Variants in ARHGAP11B observed in about 807,000 individuals in gnomAD.
The protein encoded by ARHGAP11B is Rho GTPase activating protein 11B.
Under a neutral mutation model 27.6 loss-of-function variants are expected in ARHGAP11B, and 14 were observed. The ratio of observed to expected loss-of-function variants is 0.51; its 90% confidence interval spans 0.34 to 0.79. The LOEUF (loss-of-function observed/expected upper bound fraction) is 0.79, where lower values mean the gene tolerates loss of function less well. ARHGAP11B is among the 30% of genes least tolerant of loss of function. The probability of loss-of-function intolerance (pLI) is 0.02; values close to 1 mark genes in which losing one functional copy is unlikely to be tolerated. For missense variants in ARHGAP11B, 245 were observed against 320.1 expected, an observed-to-expected ratio of 0.77 and a Z score of 1.79; for synonymous variants, 82 against 114.1, an observed-to-expected ratio of 0.72 and a Z score of 1.80.
intron 7 of ARHGAP11B, among the ~76,000 whole-genome samples, chr15:30,643,196 A>G (rs2060325292): frequency 6.6e-6 from 1 of 151,636 alleles, no homozygotes; most frequent in Non-Finnish European, 1.5e-5. Flanking sequence ...ATGCCCCCTT[A>G]GTCTCATATA....
chr15:30,627,163 G>T (rs2060214820), intron 1 of ARHGAP11B, among the ~76,000 whole-genome samples: 1 of 151,766 alleles, frequency 6.6e-6, no homozygotes, highest in African/African-American at 2.4e-5. Flanking sequence ...AAAGTTGCAG[G>T]ATTTTCCAAC....
intron 1 of ARHGAP11B, among the ~76,000 whole-genome samples, chr15:30,627,520 G>A (rs1374213377): frequency 6.6e-6 from 1 of 151,978 alleles, no homozygotes; most frequent in East Asian, 1.9e-4. Flanking sequence ...TCACTAATTT[G>A]GGAAACAGAT....
chr15:30,630,006 TAACC>T (rs2060234416), intron 1 of ARHGAP11B, among the ~76,000 whole-genome samples: 1 of 152,074 alleles, frequency 6.6e-6, no homozygotes, highest in African/African-American at 2.4e-5. Flanking sequence ...ACATTCAAGT[TAACC>T]AACAAACAAC....
At chr15:30,630,996 C>CA in intron 2 of ARHGAP11B, among the ~76,000 whole-genome samples, 1 of 151,758 alleles carries the variant, frequency 6.6e-6, no homozygotes, top group Non-Finnish European at 1.5e-5. Context: ...TGCTTGAGCC[C>CA]AGGAGGTGGA....
In ARHGAP11B at chr15:30,631,988, G is replaced by A. The variant is rs1304851678; in HGVS notation, c.200+1215G>A. ...TTTAGTAGAGATGGGGTTTCACCATGTTGGCCAGGCTGGTCTCAAACTCCT... is the reference window on the plus strand; with the variant it reads ...TTTAGTAGAGATGGGGTTTCACCATATTGGCCAGGCTGGTCTCAAACTCCT... On this transcript the variant is annotated intron_variant, in intron 2 of 10. Coordinates refer to ENST00000428041, the Ensembl canonical transcript of ARHGAP11B. Among the ~76,000 whole-genome samples the A allele has an allele frequency of 2.0e-5, 3 of 147,762 alleles. No individual in the cohort carries two copies. The South Asian group carries it at 6.6e-4, about 32-fold the overall frequency.
intron 1 of ARHGAP11B, among the ~76,000 whole-genome samples, chr15:30,630,308 A>G (rs1469459597): frequency 6.6e-6 from 1 of 152,108 alleles, no homozygotes; most frequent in Non-Finnish European, 1.5e-5. Context: ...ACCAAAAGAA[A>G]GTATCTAGTA....
chr15:30,635,340 A>G lies in ARHGAP11B; in HGVS notation c.661-147A>G. On this transcript the variant is annotated intron_variant, in intron 5 of 10. Coordinates refer to ENST00000428041, the Ensembl canonical transcript of ARHGAP11B. ...TGAAGGCAACTGTTAGAAAGTTGGTATATTACTGACCTCACCCCCACCCTA... is the reference window on the plus strand; with the variant it reads ...TGAAGGCAACTGTTAGAAAGTTGGTGTATTACTGACCTCACCCCCACCCTA... The G allele has an allele frequency of 2.1e-6, 3 of 1,434,652 alleles. No individual in the cohort carries two copies. The South Asian group carries it at 4.0e-5, about 19-fold the overall frequency. 88.9% of individuals were successfully genotyped at this position (1,434,652 alleles called of 1,614,324 possible). A position where few individuals can be genotyped will look rare whatever the true frequency, so the allele number is the denominator to read the frequency against.
At chr15:30,626,710 G>T (rs2060209763) in exon 1 of ARHGAP11B, 1 of 1,472,636 alleles carries the variant, frequency 6.8e-7, no homozygotes, top group Non-Finnish European at 9.1e-7. Context: ...AGACGGGGCC[G>T]GAAAGCAGCC....
At chr15:30,647,762 G>A (rs1443384287) in intron 10 of ARHGAP11B, 2 of 196,386 alleles carry the variant, frequency 1.0e-5, no homozygotes, top group African/African-American at 2.4e-5. Flanking sequence ...ACTTTATTAA[G>A]TAGTTATAGC....
chr15:30,626,151 G>T (rs549798116), exon 1 of ARHGAP11B: 1 of 153,686 alleles, frequency 6.5e-6, no homozygotes, highest in Non-Finnish European at 1.5e-5. Flanking sequence ...GTCTGCAGTG[G>T]AGCTGGGGGC....
exon 1 of ARHGAP11B, chr15:30,626,851 C>A: frequency 6.2e-7 from 1 of 1,613,712 alleles, no homozygotes; most frequent in South Asian, 1.1e-5. Flanking sequence ...GAAGTTGGCC[C>A]TGTTGCAGCA....
At position 30,635,064 on chromosome 15, in the gene ARHGAP11B, C is replaced by A. The variant is rs759041543; in HGVS notation, c.552-16C>A. The A allele has an allele frequency of 1.2e-6, 2 of 1,611,000 alleles. No homozygotes were observed. The highest frequency in any genetic ancestry group is 1.1e-5 in the South Asian group (1 of 91,034). On this transcript the variant is annotated splice_polypyrimidine_tract_variant and intron_variant, in intron 4 of 10. Transcript: ENST00000428041. ...TCACGTTTGGCTCCATCTAATAAAG[C>A]GTTTATTCACTTAAGATCCAGTGAG...
intron 6 of ARHGAP11B, among the ~76,000 whole-genome samples, chr15:30,638,326 T>A (rs911853127): frequency 6.6e-6 from 1 of 152,004 alleles, no homozygotes; most frequent in Non-Finnish European, 1.5e-5. Flanking sequence ...ACACTTTTAT[T>A]CATTTGCTTA....
At chr15:30,645,531 T>C (rs1273785633) in intron 8 of ARHGAP11B, among the ~76,000 whole-genome samples, 2 of 152,058 alleles carry the variant, frequency 1.3e-5, no homozygotes, top group African/African-American at 4.8e-5. Context: ...TTTTTTCTTC[T>C]TTGGTTTATT....
exon 5 of ARHGAP11B, chr15:30,635,179 A>G (rs761648493): frequency 2.5e-6 from 4 of 1,613,320 alleles, no homozygotes; most frequent in Non-Finnish European, 1.7e-6. Flanking sequence ...CTTCTAACGC[A>G]GAAAAGAAGG....
rs557804575 is a variant in ARHGAP11B, at chr15:30,642,006, G to A, written c.*79-2633G>A. On this transcript the variant is annotated intron_variant, in intron 7 of 10. Coordinates refer to ENST00000428041, the Ensembl canonical transcript of ARHGAP11B. The stretch of plus-strand genomic sequence containing the variant: ...ACTGGGATTACAGACGTGAGCCACG[G>A]TGCCTGGCTGGACACATTTTTAAAG... Among the ~76,000 whole-genome samples, 27 of 152,164 alleles carry A rather than the reference G, an allele frequency of 1.8e-4. No homozygotes were observed. In the East Asian group the frequency reaches 5.0e-3, roughly 28 times the overall value.
At chr15:30,630,952 G>T (rs2060241586) in intron 2 of ARHGAP11B, among the ~76,000 whole-genome samples, 179 bp downstream of exon 2, 1 of 152,022 alleles carries the variant, frequency 6.6e-6, no homozygotes, top group East Asian at 1.9e-4. Flanking sequence ...CACACTTGTA[G>T]TCCCAGCTAC....
chr15:30,641,178 T>G (rs993856656), intron 7 of ARHGAP11B, among the ~76,000 whole-genome samples: 1 of 152,064 alleles, frequency 6.6e-6, no homozygotes, highest in African/African-American at 2.4e-5. Flanking sequence ...ACACCACTTT[T>G]CTTTGACCCT....
At chr15:30,635,569 C>T (rs1170245747) in exon 6 of ARHGAP11B, 7 of 1,613,074 alleles carry the variant, frequency 4.3e-6, no homozygotes, top group Non-Finnish European at 5.1e-6. Context: ...CACTGGAAGG[C>T]TTTGAAGAAG....
Sources: gnomAD v4.1 joint callset for allele counts (sites outside exome capture counted in the v4.1 genomes callset) on GRCh38, gnomAD v4.1.1 for gene constraint, MANE v1.5 for transcripts, NCBI Gene and HGNC (gene_info 2026-07-23, HGNC 2026-07-21) for gene names.